Variants in TBC1D5 observed in about 807,000 individuals in gnomAD.
TBC1D5 encodes TBC1 domain family member 5, also known as TBC1 domain family, member 5.
TBC1D5 carries 75 observed loss-of-function variants against 100.3 expected under a neutral mutation model. The observed-to-expected ratio is 0.75, with a 90% CI of 0.62 to 0.91. TBC1D5 has a LOEUF of 0.91. TBC1D5 is among the 40% of genes least tolerant of loss of function. The pLI, the probability that TBC1D5 is intolerant of heterozygous loss-of-function variation, is 0.00. For synonymous variants in TBC1D5, 323 were observed against 325.6 expected, an observed-to-expected ratio of 0.99 and a Z score of 0.09; for missense variants, 910 against 942.4, an observed-to-expected ratio of 0.97 and a Z score of 0.45.
At chr3:17,177,148 C>T (rs915522287) in intron 19 of TBC1D5, among the ~76,000 whole-genome samples, 12 of 152,054 alleles carry the variant, frequency 7.9e-5, no homozygotes, top group Non-Finnish European at 1.0e-4. Context: ...AATTTGGGTT[C>T]CTCCTGTGGA....
Position 17,542,608 on chromosome 3 carries a change from A to T in TBC1D5, c.-35-34003T>A, listed in dbSNP as rs188574993. On this transcript the variant is annotated intron_variant, in intron 2 of 21. Coordinates refer to ENST00000253692, the Ensembl canonical transcript of TBC1D5. ...CCACAAATGAGAAACTACAATATAA[A>T]TTTTATTAGGCTGAAGTAGTTTCCA... Among the ~76,000 whole-genome samples, 12 of 152,352 alleles carry T rather than the reference A, an allele frequency of 7.9e-5. No homozygotes were observed. In the East Asian group the frequency reaches 2.3e-3, roughly 29 times the overall value.
intron 14 of TBC1D5, 50 bp from the exon 15 acceptor site, chr3:17,292,051 T>C: frequency 6.8e-7 from 1 of 1,462,482 alleles, no homozygotes; most frequent in South Asian, 1.2e-5. Context: ...TAAGATATTC[T>C]GCATTGCTGA....
At chr3:17,699,911 G>A (rs934544446) in intron 1 of TBC1D5, 23 of 151,926 alleles carry the variant, frequency 1.5e-4, no homozygotes, top group African/African-American at 3.1e-4. Flanking sequence ...TCCAGCACCC[G>A]GATTTCAACC....
At chr3:17,493,935 T>C (rs2095669953) in intron 3 of TBC1D5, among the ~76,000 whole-genome samples, 1 of 152,200 alleles carries the variant, frequency 6.6e-6, no homozygotes, top group African/African-American at 2.4e-5. Context: ...TGTCAGTTCA[T>C]CCATCTCAGC....
At chr3:17,524,090 C>T (rs369104301) in intron 2 of TBC1D5, among the ~76,000 whole-genome samples, 7 of 152,054 alleles carry the variant, frequency 4.6e-5, no homozygotes, top group African/African-American at 1.4e-4. Flanking sequence ...ACAAATAATA[C>T]AGGAAGATTT....
chr3:17,632,388 C>T (rs2063573549), intron 1 of TBC1D5, among the ~76,000 whole-genome samples: 1 of 152,146 alleles, frequency 6.6e-6, no homozygotes. Context: ...TGTAAAGATG[C>T]TGTGAACACT....
At chr3:17,566,252 C>T (rs1576745300) in intron 2 of TBC1D5, among the ~76,000 whole-genome samples, 2 of 151,904 alleles carry the variant, frequency 1.3e-5, no homozygotes, top group South Asian at 2.1e-4. Flanking sequence ...TATGCACTTA[C>T]GTTAAAATAT....
intron 3 of TBC1D5, among the ~76,000 whole-genome samples, chr3:17,429,612 A>G (rs575291950): frequency 6.6e-6 from 1 of 151,988 alleles, no homozygotes; most frequent in African/African-American, 2.4e-5. Context: ...TAAGTCAAAC[A>G]GTAATTACAG....
At chr3:17,740,932 T>G (rs752018125), upstream of TBC1D5, 1 of 152,060 alleles carries the variant, frequency 6.6e-6, no homozygotes, top group Non-Finnish European at 1.5e-5. Flanking sequence ...GACACAATAT[T>G]TGCACTCTTC....
chr3:17,323,500 AG>A (rs765390137), intron 13 of TBC1D5, among the ~76,000 whole-genome samples: 9 of 152,226 alleles, frequency 5.9e-5, no homozygotes, highest in Non-Finnish European at 1.2e-4. Flanking sequence ...TATTTAAACT[AG>A]TGAGTGAGTT....
chr3:17,583,009 G>A (rs1190577400), intron 2 of TBC1D5, among the ~76,000 whole-genome samples: 1 of 152,142 alleles, frequency 6.6e-6, no homozygotes, highest in Non-Finnish European at 1.5e-5. Context: ...TACGGGCCAG[G>A]AATGGTGGCT....
intron 3 of TBC1D5, among the ~76,000 whole-genome samples, chr3:17,496,019 A>G (rs1031764910): frequency 2.0e-5 from 3 of 152,230 alleles, no homozygotes; most frequent in African/African-American, 7.2e-5. Flanking sequence ...TGTTTTAGTT[A>G]CATTCTTGCA....
chr3:17,449,469 A>G (rs886136475), intron 3 of TBC1D5, among the ~76,000 whole-genome samples: 3 of 152,176 alleles, frequency 2.0e-5, no homozygotes, highest in Admixed American at 1.3e-4. Context: ...AAGCCCAGCA[A>G]CCTAAGATCC....
At position 17,559,425 on chromosome 3, in the gene TBC1D5, T is replaced by C. The variant is rs568637042; in HGVS notation, c.-35-50820A>G. Among the ~76,000 whole-genome samples, 10 of 152,216 alleles carry C rather than the reference T, an allele frequency of 6.6e-5. No homozygotes were observed. The East Asian group carries it at 1.9e-3, about 29-fold the overall frequency. On this transcript the variant is annotated intron_variant, in intron 2 of 21. Transcript: ENST00000253692. Reference sequence around the variant, plus strand: ...CACCAAAATGCTGGTATTACAGGCATGAGCCACTAAGCCCGGCCTAAAACA... The same window carrying C: ...CACCAAAATGCTGGTATTACAGGCACGAGCCACTAAGCCCGGCCTAAAACA...
chr3:17,723,434 G>A (rs1018723665), intron 1 of TBC1D5, among the ~76,000 whole-genome samples: 2 of 152,152 alleles, frequency 1.3e-5, no homozygotes, highest in African/African-American at 4.8e-5. Context: ...AAATACTGAT[G>A]ATTTTGAACA....
rs34174909 is a variant in TBC1D5 at position 17,289,632 on chromosome 3, C to CA, written c.1245+2262dup. On this transcript the variant is annotated intron_variant, in intron 15 of 21. Coordinates refer to ENST00000253692, the Ensembl canonical transcript of TBC1D5. ...CTGGTGACAGTGCGAGACTCCATCT[C>CA]AAAAAAAAAAAAAAAGTCAGTTCTT... Among the ~76,000 whole-genome samples, 445 of 129,610 alleles carry CA rather than the reference C, an allele frequency of 3.4e-3. 3 individuals are homozygous for CA. Among genetic ancestry groups the CA allele is most frequent in the African/African-American group, 9.0e-3 (313 of 34,634 alleles). The allele number at this position is 129,610 out of a possible 152,430, so 85.0% of individuals were successfully genotyped here. A position where few individuals can be genotyped will look rare whatever the true frequency, so the allele number is the denominator to read the frequency against.
intron 8 of TBC1D5, among the ~76,000 whole-genome samples, chr3:17,395,987 A>C (rs1262184904): frequency 6.6e-6 from 1 of 152,120 alleles, no homozygotes; most frequent in Non-Finnish European, 1.5e-5. Flanking sequence ...ATGAGGAAGG[A>C]CTACAGGCCA....
At chr3:17,607,963 G>A (rs1226735148) in intron 2 of TBC1D5, among the ~76,000 whole-genome samples, 1 of 152,120 alleles carries the variant, frequency 6.6e-6, no homozygotes, top group East Asian at 1.9e-4. Flanking sequence ...ACCTTAATGT[G>A]ATCAAGGGAA....
intron 18 of TBC1D5, among the ~76,000 whole-genome samples, chr3:17,211,570 C>T (rs1422672885): frequency 6.6e-6 from 1 of 152,162 alleles, no homozygotes; most frequent in African/African-American, 2.4e-5. Context: ...TCAGTTCTAC[C>T]TTCATCTTCA....
Sources: allele counts gnomAD v4.1 joint callset (sites outside exome capture counted in the v4.1 genomes callset), GRCh38; gene constraint gnomAD v4.1.1; transcripts MANE v1.5; gene names NCBI Gene and HGNC (gene_info 2026-07-23, HGNC 2026-07-21).